The following VIRMA variants were observed in gnomAD, a reference collection of about 807,000 sequenced individuals.
VIRMA encodes the protein protein virilizer homolog.
Under a neutral mutation model 182.4 loss-of-function variants are expected in VIRMA, and 65 were observed. The observed-to-expected ratio is 0.36, with a 90% CI of 0.29 to 0.44. The LOEUF (loss-of-function observed/expected upper bound fraction) is 0.44, where lower values mean the gene tolerates loss of function less well. Among genes scored for constraint, VIRMA ranks in the 20% least tolerant of loss-of-function variants. The pLI is 1.00. For missense variants in VIRMA, 1,752 were observed against 2,158.1 expected (o/e 0.81, Z 3.73); for synonymous variants, 709 against 743.1 (o/e 0.95, Z 0.75).
chr8:94,512,316 A>G (rs1814407752), intron 11 of VIRMA: 1 of 224,150 alleles, frequency 4.5e-6, no homozygotes, highest in African/African-American at 2.3e-5. Context: ...TATTATGTAA[A>G]TAAAAAGAAC....
At position 94,530,250 on chromosome 8, in the gene VIRMA, C is replaced by T. The variant is rs1815119086; in HGVS notation, c.607+713G>A. Among the ~76,000 whole-genome samples, 3 of 151,992 alleles carry T rather than the reference C, an allele frequency of 2.0e-5. No individual in the cohort carries two copies. In the South Asian group the frequency reaches 6.2e-4, roughly 32 times the overall value. On this transcript the variant is annotated intron_variant, in intron 6 of 23. Transcript: ENST00000297591. ...ATTAGTGGCCAGGCACTGTGGGTCA[C>T]ACCTGTAAATCCCAAAACTGTGGGG...
At chr8:94,511,114 A>T in intron 13 of VIRMA, 71 bp downstream of exon 13, 1 of 1,541,910 alleles carries the variant, frequency 6.5e-7, no homozygotes, top group African/African-American at 1.4e-5. Context: ...TTGTTTTTTA[A>T]CAAAATCACT....
In VIRMA at chr8:94,519,334, T is replaced by A. The variant is rs769940600; in HGVS notation, c.2164A>T (p.Met722Leu). Reference sequence around the variant, plus strand: ...AAATTTGTTGCTTCATATTCCGACATAAAAAAAAGAAGACCCTTCTGTGAC... The same window carrying A: ...AAATTTGTTGCTTCATATTCCGACAAAAAAAAAAGAAGACCCTTCTGTGAC... ...AQSQKGLLFF[M>L]SEYEATNLLI... Residue 722 changes from methionine to leucine, a missense_variant, in exon 9 of 24, where the codon ATG becomes TTG. Transcript: ENST00000297591. The A allele has an allele frequency of 1.2e-6, 2 of 1,605,248 alleles. No homozygotes were observed. The highest frequency in any genetic ancestry group is 1.1e-5 in the South Asian group (1 of 89,670).
At chr8:94,530,143 A>T (rs532013471) in intron 6 of VIRMA, among the ~76,000 whole-genome samples, 3 of 152,266 alleles carry the variant, frequency 2.0e-5, no homozygotes, top group Non-Finnish European at 4.4e-5. Flanking sequence ...ACAGCAAACT[A>T]ACACTTTATT....
chr8:94,489,973 G>A lies in VIRMA; in HGVS notation c.5250C>T (p.Gly1750=). 1 of 1,614,100 alleles carries A rather than the reference G, an allele frequency of 6.2e-7. No individual in the cohort carries two copies. Among genetic ancestry groups the A allele is most frequent in the East Asian group, 2.2e-5 (1 of 44,874 alleles). ...SRGGQSNFNR[G]PLPPLRPLSS... is the part of the protein sequence containing the mutation. ...TAAGGGGTCGTAATGGTGGAAGAGG[G>A]CCTCTGTTAAAATTGCTCTGGCCTC... The change falls in exon 23 of 24, where the codon GGC becomes GGT. Residue 1750 remains glycine, a synonymous_variant. Transcript: ENST00000297591.
At chr8:94,510,694 T>C in intron 13 of VIRMA, 42 bp from the exon 14 acceptor site, 1 of 1,394,504 alleles carries the variant, frequency 7.2e-7, no homozygotes, top group Non-Finnish European at 1.0e-6. Flanking sequence ...GATTTTTTAA[T>C]ATTTATTTAT....
At chr8:94,492,137 C>T (rs1207826141) in intron 21 of VIRMA, among the ~76,000 whole-genome samples, 1 of 152,118 alleles carries the variant, frequency 6.6e-6, no homozygotes, top group Non-Finnish European at 1.5e-5. Flanking sequence ...ACTTCTTATT[C>T]AAACCTTCCA....
rs763006732 is a variant in VIRMA, at chr8:94,494,948, T to C, written c.4553A>G (p.Tyr1518Cys). The change falls in exon 20 of 24, where the codon TAT becomes TGT. Residue 1518 changes from tyrosine (Y) to cysteine (C), a missense_variant. Tyr to Cys is a radical substitution (Grantham distance 194). Around this residue, in one of 11 missense-constraint regions of VIRMA, gnomAD observed 777 missense variants for 920.6 expected, o/e 0.84. Coordinates refer to ENST00000297591, the MANE Select transcript of VIRMA (RefSeq NM_015496.5). ...LQNLFNNRTA[Y>C]VLADVMDDQL... ...ATCATCCATGACATCAGCAAGCACA[T>C]AGGCAGTCCTGGAACAAGAAAAGTA... is the stretch of plus-strand genomic sequence containing the variant. 29 of 1,599,820 alleles carry C rather than the reference T, an allele frequency of 1.8e-5. No homozygotes were observed. The highest frequency in any genetic ancestry group is 4.4e-5 in the South Asian group (4 of 89,912).
At chr8:94,505,657 A>T (rs548555651) in intron 16 of VIRMA, among the ~76,000 whole-genome samples, 1 of 151,662 alleles carries the variant, frequency 6.6e-6, no homozygotes, top group African/African-American at 2.4e-5. Flanking sequence ...TAATTTGTAA[A>T]TTTTTTTTAT....
chr8:94,538,565 T>C (rs1265924722), intron 2 of VIRMA, among the ~76,000 whole-genome samples: 1 of 152,278 alleles, frequency 6.6e-6, no homozygotes, highest in Middle Eastern at 3.4e-3. Context: ...TATTACTGAA[T>C]ATCAAATTTT....
At chr8:94,518,084 C>A in intron 9 of VIRMA, 142 bp from the exon 10 acceptor site, 1 of 591,086 alleles carries the variant, frequency 1.7e-6, no homozygotes, top group Non-Finnish European at 2.9e-6. Flanking sequence ...GACAAGAAAT[C>A]AGATTTTACA....
chr8:94,502,980 C>A (rs1017995511), intron 16 of VIRMA, among the ~76,000 whole-genome samples: 1 of 151,764 alleles, frequency 6.6e-6, no homozygotes, highest in Non-Finnish European at 1.5e-5. Flanking sequence ...GAATTATATA[C>A]AATGAAAAAA....
At chr8:94,527,386 T>C (rs750716670) in intron 7 of VIRMA, 23 bp from the exon 8 acceptor site, 1 of 1,385,174 alleles carries the variant, frequency 7.2e-7, no homozygotes, top group Non-Finnish European at 9.8e-7. Flanking sequence ...ATGAATAATA[T>C]TTAAGTATTA....
At chr8:94,528,930 G>T in intron 7 of VIRMA, 140 bp downstream of exon 7, 3 of 995,924 alleles carry the variant, frequency 3.0e-6, no homozygotes, top group Non-Finnish European at 4.5e-6. Flanking sequence ...TTCTAGTCAT[G>T]CCTTGAGGCC....
intron 17 of VIRMA, chr8:94,497,813 C>G (rs1301088129): frequency 6.5e-6 from 1 of 152,880 alleles, no homozygotes; most frequent in East Asian, 1.9e-4. Context: ...GAGTTCAAGA[C>G]CAGCCTGGGC....
rs141312717 is a variant in VIRMA, at chr8:94,507,763, C to T, written c.3880-1046G>A. Among the ~76,000 whole-genome samples the T allele has an allele frequency of 3.4e-3, 509 of 151,646 alleles. 1 individual carries two copies. Among genetic ancestry groups the T allele is most frequent in the African/African-American group, 0.012 (492 of 41,390 alleles). On this transcript the variant is annotated intron_variant, in intron 15 of 23. Transcript: ENST00000297591. ...AGCCAGACTCCATCTCAAAAACAAA[C>T]AAACAAAAAAACAAAAAGCCCCCTG...
intron 2 of VIRMA, among the ~76,000 whole-genome samples, chr8:94,541,360 A>G (rs1365153135): frequency 1.3e-5 from 2 of 152,082 alleles, no homozygotes; most frequent in Non-Finnish European, 2.9e-5. Context: ...TCGGCCTCCC[A>G]AAGTGCTGGG....
chr8:94,541,557 T>C (rs1586110685), intron 2 of VIRMA, among the ~76,000 whole-genome samples: 4 of 152,260 alleles, frequency 2.6e-5, no homozygotes, highest in Middle Eastern at 6.8e-3. Flanking sequence ...TTTTCTTTTT[T>C]TTAAGATGGA....
intron 2 of VIRMA, among the ~76,000 whole-genome samples, chr8:94,539,995 C>T (rs1815484231): frequency 6.6e-6 from 1 of 152,144 alleles, no homozygotes; most frequent in African/African-American, 2.4e-5. Context: ...TCCCAGTCTC[C>T]AGAACTTTGA....
Sources: gnomAD v4.1 joint callset for allele counts (sites outside exome capture counted in the v4.1 genomes callset) on GRCh38, gnomAD v4.1.1 for gene constraint, gnomAD v4.1.1 regional missense constraint, MANE v1.5 for transcripts, NCBI Gene and HGNC (gene_info 2026-07-23, HGNC 2026-07-21) for gene names.